The following ASPRV1 variants were observed in gnomAD, a reference collection of about 807,000 sequenced individuals.
ASPRV1 encodes the protein aspartic peptidase retroviral like 1, also known as retroviral-like aspartic protease 1.
A neutral mutation model predicts 11.0 loss-of-function variants in ASPRV1; 7 were observed. That is an observed-to-expected ratio of 0.64 (90% CI 0.36 to 1.20). The LOEUF (loss-of-function observed/expected upper bound fraction) is 1.20, where lower values mean the gene tolerates loss of function less well. Among genes scored for constraint, ASPRV1 ranks in the 50% most tolerant of loss-of-function variants. ASPRV1 has a pLI of 0.02. For synonymous variants in ASPRV1, 136 were observed against 138.4 expected (o/e 0.98, Z 0.12); for missense variants, 299 against 320.0 (o/e 0.93, Z 0.50).
At chr2:69,961,701 T>A (rs1678122875), upstream of ASPRV1, 1 of 1,526,982 alleles carries the variant, frequency 6.5e-7, no homozygotes, top group African/African-American at 1.4e-5. Context: ...TCCTTTGTTC[T>A]GGAAGCTCCG....
the ASPRV1 span, among the ~76,000 whole-genome samples, chr2:70,012,449 C>T: frequency 6.1e-3 from 934 of 152,252 alleles, 8 homozygotes; most frequent in African/African-American, 0.021. Context: ...CCACCGCGCC[C>T]GGCCAAGGTC....
At chr2:70,020,464 C>T in the ASPRV1 span, among the ~76,000 whole-genome samples, 1 of 152,194 alleles carries the variant, frequency 6.6e-6, no homozygotes, top group Non-Finnish European at 1.5e-5. Context: ...TGTTGTGGGC[C>T]GGGCACGGTG....
chr2:70,012,145 A>G, the ASPRV1 span: 1 of 149,614 alleles, frequency 6.7e-6, no homozygotes, highest in African/African-American at 2.5e-5. Flanking sequence ...GGGGGATCCA[A>G]GAGATCAACA....
chr2:70,067,097 A>G, the ASPRV1 span, among the ~76,000 whole-genome samples: 1 of 152,382 alleles, frequency 6.6e-6, no homozygotes, highest in East Asian at 1.9e-4. Flanking sequence ...CTTAATCCTC[A>G]GAAGTACTCT....
the ASPRV1 span, among the ~76,000 whole-genome samples, chr2:70,026,194 C>T: frequency 6.6e-6 from 1 of 152,166 alleles, no homozygotes; most frequent in Non-Finnish European, 1.5e-5. Flanking sequence ...TGGCGCACGC[C>T]TGTAATCCCA....
chr2:69,932,805 C>T, the ASPRV1 span, among the ~76,000 whole-genome samples: 28 of 152,158 alleles, frequency 1.8e-4, no homozygotes, highest in Non-Finnish European at 2.9e-5. Flanking sequence ...TGCATATAAA[C>T]CAACATCATA....
At chr2:69,949,818 T>C in the ASPRV1 span, among the ~76,000 whole-genome samples, 1 of 152,164 alleles carries the variant, frequency 6.6e-6, no homozygotes, top group African/African-American at 2.4e-5. Flanking sequence ...CATATGTATT[T>C]GTTTGTTTGT....
chr2:70,070,279 T>G, the ASPRV1 span: 1 of 150,792 alleles, frequency 6.6e-6, no homozygotes, highest in African/African-American at 2.4e-5. Flanking sequence ...AGAGAACAGA[T>G]TATTACTTAC....
At chr2:69,970,320 G>GT in the ASPRV1 span, among the ~76,000 whole-genome samples, 5 of 152,158 alleles carry the variant, frequency 3.3e-5, no homozygotes, top group African/African-American at 1.2e-4. Flanking sequence ...TTCCAAAGAT[G>GT]TAAGTCTGCT....
chr2:70,044,160 C>A, the ASPRV1 span, among the ~76,000 whole-genome samples: 3 of 152,108 alleles, frequency 2.0e-5, no homozygotes, highest in Non-Finnish European at 4.4e-5. Context: ...GTTTCACAAT[C>A]AAAACTCTTC....
the ASPRV1 span, among the ~76,000 whole-genome samples, chr2:70,072,339 G>A: frequency 6.6e-6 from 1 of 152,044 alleles, no homozygotes; most frequent in African/African-American, 2.4e-5. Context: ...GATCACTTGA[G>A]CCCAGGAGTT....
downstream of ASPRV1, among the ~76,000 whole-genome samples, chr2:69,958,101 G>A (rs972421625): frequency 6.6e-5 from 10 of 152,158 alleles, no homozygotes; most frequent in Middle Eastern, 3.4e-3. Context: ...CTTCTCTCCC[G>A]GGCTTCTCTG....
At chr2:70,011,660 A>C in the ASPRV1 span, 1 of 152,316 alleles carries the variant, frequency 6.6e-6, no homozygotes, top group African/African-American at 2.4e-5. Flanking sequence ...CTTGCCTGTA[A>C]AGCATATAGG....
At chr2:70,012,832 A>C in the ASPRV1 span, among the ~76,000 whole-genome samples, 1 of 152,192 alleles carries the variant, frequency 6.6e-6, no homozygotes, top group Non-Finnish European at 1.5e-5. Flanking sequence ...CATCATTTTT[A>C]TTAGGAAAAA....
At chr2:69,959,022 A>C (rs1029837418), downstream of ASPRV1, among the ~76,000 whole-genome samples, 2 of 152,152 alleles carry the variant, frequency 1.3e-5, no homozygotes, top group African/African-American at 4.8e-5. Context: ...GCCATGCCTC[A>C]GTTCCCAGGA....
At chr2:70,086,826 C>G in the ASPRV1 span, among the ~76,000 whole-genome samples, 1 of 152,256 alleles carries the variant, frequency 6.6e-6, no homozygotes, top group Non-Finnish European at 1.5e-5. Context: ...GCCCCACAAA[C>G]AGCAGAGCCG....
the ASPRV1 span, among the ~76,000 whole-genome samples, chr2:70,028,236 G>T: frequency 6.6e-6 from 1 of 152,306 alleles, no homozygotes; most frequent in Admixed American, 6.5e-5. Context: ...AAGATACTGA[G>T]AACGGAGTGT....
chr2:69,935,276 G>A, the ASPRV1 span: 3 of 1,047,662 alleles, frequency 2.9e-6, no homozygotes, highest in Non-Finnish European at 4.4e-6. Flanking sequence ...CACACTCTTT[G>A]AGAACTCATT....
the ASPRV1 span, chr2:69,942,476 CCTT>C: frequency 2.9e-4 from 44 of 152,186 alleles, no homozygotes; most frequent in African/African-American, 1.0e-3. Context: ...GAGTATTTGA[CCTT>C]CTCTCAAAAT....
Sources: gnomAD v4.1 joint callset for allele counts (sites outside exome capture counted in the v4.1 genomes callset) on GRCh38, gnomAD v4.1.1 for gene constraint, MANE v1.5 for transcripts, NCBI Gene and HGNC (gene_info 2026-07-23, HGNC 2026-07-21) for gene names.